BOP1: variants seen among roughly 807,000 people sequenced by gnomAD.
BOP1 encodes the protein ribosome biogenesis protein BOP1.
BOP1 carries 54 observed loss-of-function variants against 82.9 expected under a neutral mutation model. The ratio of observed to expected loss-of-function variants is 0.65; its 90% CI spans 0.52 to 0.82. The LOEUF is 0.82. BOP1 is among the 40% of genes least tolerant of loss of function. The pLI is 0.00. For synonymous variants in BOP1, 566 were observed against 451.1 expected (o/e 1.25, Z -3.23); for missense variants, 1,170 against 1,072.0 (o/e 1.09, Z -1.28).
chr8:144,278,169 C>G (rs1554838520), intron 2 of BOP1, among the ~76,000 whole-genome samples: 1 of 152,204 alleles, frequency 6.6e-6, no homozygotes, highest in Non-Finnish European at 1.5e-5. Flanking sequence ...GGGCGAGCGC[C>G]ACTGGGCAGA....
At chr8:144,289,566 T>A (rs544860919) in intron 1 of BOP1, among the ~76,000 whole-genome samples, 1 of 152,272 alleles carries the variant, frequency 6.6e-6, no homozygotes, top group South Asian at 2.1e-4. Context: ...GGAAGGGGCT[T>A]TTCAAGGACA....
At chr8:144,271,994 G>A (rs1262169720) in intron 3 of BOP1, among the ~76,000 whole-genome samples, 8 of 152,094 alleles carry the variant, frequency 5.3e-5, no homozygotes, top group South Asian at 2.1e-4. Flanking sequence ...AGCCACTACC[G>A]ACCCAGGGGT....
chr8:144,286,355 A>G (rs375893245), intron 2 of BOP1, among the ~76,000 whole-genome samples: 609 of 122,812 alleles, frequency 5.0e-3, no homozygotes, highest in Middle Eastern at 0.015. Context: ...GCAGGGCCTC[A>G]GCCCCTCAGC....
chr8:144,290,724 T>C (rs1815034117), intron 1 of BOP1, among the ~76,000 whole-genome samples: 1 of 152,134 alleles, frequency 6.6e-6, no homozygotes, highest in Admixed American at 6.5e-5. Flanking sequence ...AATGGGGCAG[T>C]TTCAACAACC....
At position 144,264,370 on chromosome 8, in the gene BOP1, G is replaced by C. The variant is rs1323810547; in HGVS notation, c.833C>G (p.Pro278Arg). 1 of 1,604,634 alleles carries C rather than the reference G, an allele frequency of 6.2e-7. No individual in the cohort carries two copies. Among genetic ancestry groups the C allele is most frequent in the East Asian group, 2.2e-5 (1 of 44,874 alleles). Residue 278 changes from proline to arginine, a missense_variant, in exon 7 of 16, where the codon CCC becomes CGC. Physicochemically the swap from Pro to Arg is moderately radical, Grantham distance 103. Coordinates refer to ENST00000569669, the MANE Select transcript of BOP1 (RefSeq NM_015201.5). Reference protein sequence around the residue: ...IQPRRPRDPTPSFYDLWAQED... With the variant: ...IQPRRPRDPTRSFYDLWAQED... ...CTGGGCCCACAGGTCATAGAAGCTG[G>C]GGGTGGGGTCTCGGGGCCGGCGAGG...
At chr8:144,274,898 ACAGC>A (rs1479972467) in intron 3 of BOP1, among the ~76,000 whole-genome samples, 86 of 152,354 alleles carry the variant, frequency 5.6e-4, no homozygotes, top group African/African-American at 2.0e-3. Flanking sequence ...GTGGCTGCCG[ACAGC>A]CAGAGCCCCT....
chr8:144,280,382 G>T (rs1845648890), intron 2 of BOP1, among the ~76,000 whole-genome samples: 1 of 152,254 alleles, frequency 6.6e-6, no homozygotes, highest in African/African-American at 2.4e-5. Flanking sequence ...CTCTCCAGCA[G>T]ACGGCACCAG....
At chr8:144,271,750 A>G (rs1325558438) in intron 3 of BOP1, among the ~76,000 whole-genome samples, 1 of 151,280 alleles carries the variant, frequency 6.6e-6, no homozygotes, top group Admixed American at 6.6e-5. Context: ...AGCTGAGCGA[A>G]CCCCCAGCCC....
intron 3 of BOP1, among the ~76,000 whole-genome samples, chr8:144,275,440 A>G (rs1488462062): frequency 7.2e-6 from 1 of 139,682 alleles, no homozygotes; most frequent in African/African-American, 2.8e-5. Context: ...CGCCGGCGGA[A>G]CCCAGCCCGG....
At chr8:144,275,347 C>G (rs1456601961) in intron 3 of BOP1, among the ~76,000 whole-genome samples, 3 of 152,174 alleles carry the variant, frequency 2.0e-5, no homozygotes, top group Non-Finnish European at 4.4e-5. Context: ...CAGAGCTTCT[C>G]AGAGCTTCCA....
chr8:144,276,762 G>A (rs1033270523), intron 2 of BOP1, among the ~76,000 whole-genome samples: 15 of 152,310 alleles, frequency 9.8e-5, no homozygotes, highest in African/African-American at 2.6e-4. Flanking sequence ...AGAAGGAGAC[G>A]CAGCCGTCGC....
intron 2 of BOP1, among the ~76,000 whole-genome samples, chr8:144,287,445 C>T (rs1248154543): frequency 6.6e-6 from 1 of 152,224 alleles, no homozygotes. Flanking sequence ...TGAGTGGGAG[C>T]TTCCACCCTA....
rs1325650170 is a variant in BOP1 at position 144,262,430 on chromosome 8, C to T, written c.2053G>A (p.Gly685Ser). ...ATGCCATGGCAGACGATGACACTGCCGTCGTCCGAGCCTGACGCAAAGAGT... is the reference window on the plus strand; with the variant it reads ...ATGCCATGGCAGACGATGACACTGCTGTCGTCCGAGCCTGACGCAAAGAGT... ...YPLFASGSDDGSVIVCHGMVY... is the reference protein window; with the variant it reads ...YPLFASGSDDSSVIVCHGMVY... The change falls in exon 15 of 16, where the codon GGC (glycine) becomes AGC (serine). Residue 685 changes from glycine to serine, a missense_variant. By Grantham distance (56) the Gly-to-Ser change is moderately conservative. Transcript: ENST00000569669. 8.4e-5 allele frequency: 135 copies of T among 1,612,646 alleles called. No individual in the cohort carries two copies. The highest frequency in any genetic ancestry group is 1.1e-4 in the Non-Finnish European group (125 of 1,179,834).
Position 144,286,982 on chromosome 8 carries a change from C to G in BOP1, c.309+2113G>C, listed in dbSNP as rs148882994. On this transcript the variant is annotated intron_variant, in intron 2 of 15. Transcript: ENST00000569669. ...CTCCGCAGACACCTCTAGTACCTTT[C>G]AAGTACTTGGATATGTTATTATGCG... Among the ~76,000 whole-genome samples the G allele has an allele frequency of 3.8e-4, 58 of 152,352 alleles. 1 individual carries two copies. Among genetic ancestry groups the G allele is most frequent in the African/African-American group, 1.4e-3 (57 of 41,574 alleles).
At position 144,267,323 on chromosome 8, in the gene BOP1, G is replaced by A. The variant is rs1845397544; in HGVS notation, c.391-2252C>T. 3.8e-6 allele frequency: 4 copies of A among 1,050,476 alleles called. No homozygotes were observed. In the South Asian group the frequency reaches 8.2e-5, roughly 22 times the overall value. The allele number at this position is 1,050,476 out of a possible 1,614,324, so 65.1% of individuals were successfully genotyped here. A position where few individuals can be genotyped will look rare whatever the true frequency, so the allele number is the denominator to read the frequency against. ...ACACCTGTAACACAGGCCTGCCGGG[G>A]GCTGGGGCCTTCTCCTGGGGCTCCT... is the stretch of plus-strand genomic sequence containing the variant. On this transcript the variant is annotated intron_variant, in intron 3 of 15. Coordinates refer to ENST00000569669, the MANE Select transcript of BOP1 (RefSeq NM_015201.5).
intron 3 of BOP1, among the ~76,000 whole-genome samples, chr8:144,273,857 C>T (rs986324422): frequency 2.6e-5 from 4 of 152,208 alleles, no homozygotes; most frequent in Admixed American, 2.0e-4. Flanking sequence ...GGGCTCCGCC[C>T]GCCTCCCTCC....
intron 3 of BOP1, among the ~76,000 whole-genome samples, chr8:144,275,029 G>A (rs1055259043): frequency 1.1e-4 from 17 of 152,168 alleles, no homozygotes; most frequent in African/African-American, 3.6e-4. Context: ...CTCTGAACGC[G>A]CAGCAGAGAC....
In BOP1 at chr8:144,289,208, A is replaced by C. The variant is rs782808665; in HGVS notation, c.196T>G (p.Ser66Ala). Residue 66 changes from serine to alanine, a missense_variant, in exon 2 of 16, where the codon TCC becomes GCC. Ser to Ala is a moderately conservative substitution (Grantham distance 99). Coordinates refer to ENST00000569669, the MANE Select transcript of BOP1 (RefSeq NM_015201.5). ...EESVFSGLED[S>A]GSDSSEDDDE... ...TCATCCTCACTGCTGTCACTGCCGG[A>C]ATCTTCCAGGCCTGAGAACACACTT... The C allele has an allele frequency of 1.2e-6, 2 of 1,614,050 alleles. No individual in the cohort carries two copies. The highest frequency in any genetic ancestry group is 1.7e-6 in the Non-Finnish European group (2 of 1,179,940).
intron 3 of BOP1, chr8:144,268,377 C>T: frequency 1.7e-6 from 1 of 597,320 alleles, no homozygotes; most frequent in East Asian, 2.8e-5. Flanking sequence ...ACTTTCTGCG[C>T]TGGCTTTTCT....
Sources: gnomAD v4.1 joint callset for allele counts (sites outside exome capture counted in the v4.1 genomes callset) on GRCh38, gnomAD v4.1.1 for gene constraint, MANE v1.5 for transcripts, NCBI Gene and HGNC (gene_info 2026-07-23, HGNC 2026-07-21) for gene names.